The following NAALADL2 variants were observed in gnomAD, a reference collection of about 807,000 sequenced individuals.
The protein encoded by NAALADL2 is N-acetylated alpha-linked acidic dipeptidase like 2.
A neutral mutation model predicts 87.2 loss-of-function variants in NAALADL2; 76 were observed. That is an observed-to-expected ratio of 0.87 (90% CI 0.72 to 1.05). The LOEUF (loss-of-function observed/expected upper bound fraction) is 1.05, where lower values mean the gene tolerates loss of function less well. NAALADL2 is among the 50% of genes least tolerant of loss of function. The pLI is 0.00. For synonymous variants in NAALADL2, 354 were observed against 331.0 expected (o/e 1.07, Z -0.75); for missense variants, 1,089 against 945.8 (o/e 1.15, Z -1.99).
chr3:174,467,462 G>A (rs1209165333), intron 1 of NAALADL2, among the ~76,000 whole-genome samples: 3 of 151,740 alleles, frequency 2.0e-5, no homozygotes, highest in African/African-American at 4.8e-5. Context: ...GTGTGGTGGC[G>A]GATGCCTATA....
At chr3:175,263,016 A>G (rs1239292246) in intron 4 of NAALADL2, among the ~76,000 whole-genome samples, 1 of 151,434 alleles carries the variant, frequency 6.6e-6, no homozygotes, top group Admixed American at 6.6e-5. Context: ...AAAAAAAACA[A>G]AAAACAATGT....
chr3:175,754,407 A>G (rs912253802), intron 12 of NAALADL2, among the ~76,000 whole-genome samples: 4 of 152,178 alleles, frequency 2.6e-5, no homozygotes, highest in Admixed American at 2.0e-4. Context: ...CATTCCTCTC[A>G]GAATGACTTT....
intron 11 of NAALADL2, among the ~76,000 whole-genome samples, chr3:175,735,119 A>C (rs1031665712): frequency 2.3e-4 from 35 of 152,160 alleles, no homozygotes; most frequent in African/African-American, 7.7e-4. Flanking sequence ...CATCTCTCTC[A>C]AGTTCAAAGT....
At chr3:175,664,159 C>CT (rs1195883751) in intron 11 of NAALADL2, among the ~76,000 whole-genome samples, 1 of 151,984 alleles carries the variant, frequency 6.6e-6, no homozygotes, top group African/African-American at 2.4e-5. Flanking sequence ...AACGCTCATG[C>CT]TCATAGTTAT....
At chr3:174,848,165 C>T (rs1560283745) in intron 3 of NAALADL2, among the ~76,000 whole-genome samples, 1 of 152,056 alleles carries the variant, frequency 6.6e-6, no homozygotes, top group African/African-American at 2.4e-5. Context: ...GTATTTGTAA[C>T]ATTTTATATA....
intron 11 of NAALADL2, among the ~76,000 whole-genome samples, chr3:175,720,306 A>C (rs1742054965): frequency 6.6e-6 from 1 of 152,098 alleles, no homozygotes; most frequent in Non-Finnish European, 1.5e-5. Flanking sequence ...TGAGATAGAA[A>C]ATCATCTTTA....
At chr3:174,593,026 T>A (rs1311746530) in intron 2 of NAALADL2, among the ~76,000 whole-genome samples, 1 of 152,078 alleles carries the variant, frequency 6.6e-6, no homozygotes, top group East Asian at 1.9e-4. Context: ...TAAATCCAAC[T>A]AACCAATCAG....
At chr3:174,939,097 G>A (rs752824628) in intron 1 of NAALADL2, among the ~76,000 whole-genome samples, 17 of 151,922 alleles carry the variant, frequency 1.1e-4, no homozygotes, top group Admixed American at 3.9e-4. Context: ...CTATATCCAG[G>A]ATGGTATTGC....
intron 13 of NAALADL2, among the ~76,000 whole-genome samples, chr3:175,787,574 G>A (rs865791452): frequency 5.1e-4 from 78 of 152,202 alleles, no homozygotes; most frequent in South Asian, 1.7e-3. Flanking sequence ...TTCGGCTCGC[G>A]CACGGTGCGC....
intron 2 of NAALADL2, among the ~76,000 whole-genome samples, chr3:175,189,257 A>C (rs1471839917): frequency 6.6e-6 from 1 of 152,238 alleles, no homozygotes; most frequent in Non-Finnish European, 1.5e-5. Flanking sequence ...AAGAAGAGAA[A>C]ATAATCTTCA....
intron 2 of NAALADL2, among the ~76,000 whole-genome samples, chr3:174,609,827 T>C (rs536938749): frequency 3.2e-4 from 49 of 152,256 alleles, no homozygotes; most frequent in Admixed American, 5.9e-4. Context: ...TAAGTTCATA[T>C]GGAACCAAAA....
chr3:174,742,213 A>G (rs1733831808), intron 3 of NAALADL2, among the ~76,000 whole-genome samples: 1 of 151,738 alleles, frequency 6.6e-6, no homozygotes. Context: ...TTATGTGTTA[A>G]GATACTATTT....
In NAALADL2 at chr3:175,569,937, T is replaced by C. The variant is rs559179585; in HGVS notation, c.1654-6104T>C. Among the ~76,000 whole-genome samples, 6 of 152,164 alleles carry C rather than the reference T, an allele frequency of 3.9e-5. No individual in the cohort carries two copies. The East Asian group carries it at 1.2e-3, about 29-fold the overall frequency. On this transcript the variant is annotated intron_variant, in intron 9 of 13. Coordinates refer to ENST00000454872, the MANE Select transcript of NAALADL2 (RefSeq NM_207015.3). The stretch of plus-strand genomic sequence containing the variant: ...ATTTGTGTGTGTGTGTGTGTATTTG[T>C]AGATATAAGGAGATTATAAGGATTT...
Position 174,807,218 on chromosome 3 carries a change from C to G in NAALADL2, c.-9+69472C>G, listed in dbSNP as rs1476881788. Among the ~76,000 whole-genome samples, 5 of 151,566 alleles carry G rather than the reference C, an allele frequency of 3.3e-5. No homozygotes were observed. In the East Asian group the frequency reaches 9.7e-4, roughly 29 times the overall value. ...CATTTTTACCACCCAACTTTTTTTT[C>G]TTCATGAATATCATAATAGCCAGCC... On this transcript the variant is annotated intron_variant, in intron 3 of 3. Coordinates refer to the NAALADL2 transcript ENST00000434257.
intron 2 of NAALADL2, among the ~76,000 whole-genome samples, chr3:175,133,482 T>G (rs747241090): frequency 5.3e-5 from 8 of 152,168 alleles, no homozygotes; most frequent in Non-Finnish European, 7.4e-5. Context: ...CACCTTGGGA[T>G]GCCGAGGCTG....
chr3:175,163,830 C>A (rs973308049), intron 2 of NAALADL2, among the ~76,000 whole-genome samples: 1 of 152,162 alleles, frequency 6.6e-6, no homozygotes, highest in African/African-American at 2.4e-5. Context: ...TGCTCACACA[C>A]TGGGGAAGAA....
chr3:174,689,161 C>A (rs532251462), intron 2 of NAALADL2, among the ~76,000 whole-genome samples: 1 of 152,116 alleles, frequency 6.6e-6, no homozygotes, highest in African/African-American at 2.4e-5. Flanking sequence ...AATTACGAAC[C>A]TGTTTTATTT....
At chr3:174,520,726 A>G (rs1415142161) in intron 1 of NAALADL2, among the ~76,000 whole-genome samples, 3 of 152,224 alleles carry the variant, frequency 2.0e-5, no homozygotes, top group African/African-American at 7.2e-5. Flanking sequence ...CAAACTTAAA[A>G]TGCTTCTGCA....
At chr3:175,247,522 A>G (rs770322461) in intron 3 of NAALADL2, among the ~76,000 whole-genome samples, 1 of 152,108 alleles carries the variant, frequency 6.6e-6, no homozygotes, top group Non-Finnish European at 1.5e-5. Context: ...TGTATTTCTA[A>G]TAACAAGGAA....
Sources: gnomAD v4.1 joint callset for allele counts (sites outside exome capture counted in the v4.1 genomes callset) on GRCh38, gnomAD v4.1.1 for gene constraint, MANE v1.5 for transcripts, NCBI Gene and HGNC (gene_info 2026-07-23, HGNC 2026-07-21) for gene names.